PIWIL4: variants seen among roughly 807,000 people sequenced by gnomAD.
The protein encoded by PIWIL4 is piwi like RNA-mediated gene silencing 4.
In PIWIL4, 50 loss-of-function variants were observed where a neutral mutation model predicts 100.9. The observed-to-expected ratio is 0.50, with a 90% CI of 0.39 to 0.63. The LOEUF (loss-of-function observed/expected upper bound fraction) is 0.63, where lower values mean the gene tolerates loss of function less well. PIWIL4 is among the 20% of genes least tolerant of loss of function. The pLI is 0.00. For missense variants in PIWIL4, 887 were observed against 1,043.3 expected, an observed-to-expected ratio of 0.85 and a Z score of 2.06; for synonymous variants, 342 against 367.5, an observed-to-expected ratio of 0.93 and a Z score of 0.79.
chr11:94,580,683 GTCATAATAATTAGTATCTTTATTATGC>G (rs1253945562), intron 4 of PIWIL4, among the ~76,000 whole-genome samples: 3 of 152,146 alleles, frequency 2.0e-5, no homozygotes, highest in Admixed American at 6.5e-5. Context: ...TGAAATAAGT[GTCATAATAATTAGTATCTTTATTATGC>G]TAGCATTTAT....
At chr11:94,611,471 G>C (rs553542773) in intron 15 of PIWIL4, among the ~76,000 whole-genome samples, 32 of 152,046 alleles carry the variant, frequency 2.1e-4, no homozygotes, top group Non-Finnish European at 4.4e-4. Flanking sequence ...CAATTTTGCA[G>C]TTTTCCTCCA....
intron 13 of PIWIL4, among the ~76,000 whole-genome samples, chr11:94,604,565 G>A (rs1009471499): frequency 2.6e-5 from 4 of 152,198 alleles, no homozygotes; most frequent in Non-Finnish European, 5.9e-5. Context: ...GCATGTGTGT[G>A]TAGCTGACTT....
intron 12 of PIWIL4, among the ~76,000 whole-genome samples, chr11:94,602,825 T>C (rs1948661779): frequency 1.3e-5 from 2 of 152,212 alleles, no homozygotes; most frequent in African/African-American, 4.8e-5. Flanking sequence ...TCTCCTCTTA[T>C]CAAATCTGTT....
In PIWIL4 at chr11:94,575,145, G is replaced by A. The variant is rs756534867; in HGVS notation, c.298+15G>A. 1.2e-6 allele frequency: 2 copies of A among 1,609,734 alleles called. No homozygotes were observed. Among genetic ancestry groups the A allele is most frequent in the Admixed American group, 1.7e-5 (1 of 59,072 alleles). ...TTGTAAAACAGGTACCCAGTTTTAT[G>A]TCACTTACTTTTTTAATGTTACCAA... On this transcript the variant is annotated intron_variant, in intron 3 of 19. Coordinates refer to ENST00000299001, the MANE Select transcript of PIWIL4 (RefSeq NM_152431.3).
rs901193197 is a variant in PIWIL4 at position 94,583,040 on chromosome 11, ATATATG to A, written c.514-406_514-401del. Among the ~76,000 whole-genome samples the A allele has an allele frequency of 5.1e-5, 6 of 118,200 alleles. No homozygotes were observed. In the South Asian group the frequency reaches 1.7e-3, roughly 33 times the overall value. 77.5% of individuals were successfully genotyped at this position (118,200 alleles called of 152,430 possible). ...ACACTGTTGTGGTGTGTGTATATAT[ATATATG>A]TGTGTGTGTGTGTGTGTGTGTGTGT... On this transcript the variant is annotated intron_variant, in intron 4 of 19. Coordinates refer to ENST00000299001, the MANE Select transcript of PIWIL4 (RefSeq NM_152431.3).
Position 94,585,433 on chromosome 11 carries a change from AT to A in PIWIL4, c.636-11del, listed in dbSNP as rs1948385413. The A allele has an allele frequency of 1.3e-6, 2 of 1,598,320 alleles. No homozygotes were observed. The highest frequency in any genetic ancestry group is 1.7e-6 in the Non-Finnish European group (2 of 1,172,052). ...TGATATTTACCAAAAATTCAAAAAA[AT>A]ATACTTGCAGGATCCTCAAAAAGTT... On this transcript the variant is annotated splice_polypyrimidine_tract_variant and intron_variant, in intron 5 of 19. Coordinates refer to ENST00000299001, the MANE Select transcript of PIWIL4 (RefSeq NM_152431.3).
At chr11:94,611,771 C>T (rs879780167) in intron 15 of PIWIL4, among the ~76,000 whole-genome samples, 1 of 152,178 alleles carries the variant, frequency 6.6e-6, no homozygotes, top group Admixed American at 6.6e-5. Context: ...CCTGGCCCCC[C>T]TTTGCCTTTC....
chr11:94,568,169 C>G (rs367888905), intron 1 of PIWIL4, among the ~76,000 whole-genome samples: 67 of 152,018 alleles, frequency 4.4e-4, no homozygotes, highest in African/African-American at 1.4e-3. Context: ...AGTTTGTGGT[C>G]CTTATGCCTT....
chr11:94,583,340 C>A, intron 4 of PIWIL4, 108 bp from the exon 5 acceptor site: 1 of 1,209,614 alleles, frequency 8.3e-7, no homozygotes, highest in Non-Finnish European at 1.2e-6. Context: ...CTAACACCTG[C>A]AGTTTTGTTT....
intron 15 of PIWIL4, among the ~76,000 whole-genome samples, chr11:94,609,940 C>T (rs1010324214): frequency 2.0e-5 from 3 of 151,994 alleles, no homozygotes; most frequent in African/African-American, 7.2e-5. Context: ...TACAATAGTA[C>T]ATGATAATTA....
chr11:94,583,044 A>ATGTG (rs58072951), intron 4 of PIWIL4, among the ~76,000 whole-genome samples: 2,903 of 133,822 alleles, frequency 0.022, 31 homozygotes, highest in African/African-American at 0.036. Context: ...ATATATATAT[A>ATGTG]TGTGTGTGTG....
At position 94,597,801 on chromosome 11, in the gene PIWIL4, C is replaced by T. The variant is rs767699359; in HGVS notation, c.1269-3C>T. On this transcript the variant is annotated splice_region_variant and splice_polypyrimidine_tract_variant and intron_variant, in intron 10 of 19. Coordinates refer to ENST00000299001, the MANE Select transcript of PIWIL4 (RefSeq NM_152431.3). ...TAATGATTTAAAACAACTTTATCAA[C>T]AGGAATACCAATGCTCGCTTTGAAC... 45 of 1,602,288 alleles carry T rather than the reference C, an allele frequency of 2.8e-5. No individual in the cohort carries two copies. Among genetic ancestry groups the T allele is most frequent in the Non-Finnish European group, 3.7e-5 (43 of 1,170,302 alleles).
intron 9 of PIWIL4, among the ~76,000 whole-genome samples, chr11:94,594,452 C>A (rs1948528222): frequency 2.1e-5 from 3 of 141,142 alleles, no homozygotes; most frequent in African/African-American, 8.6e-5. Flanking sequence ...AGTGACAGAG[C>A]AAGACTCTGT....
intron 11 of PIWIL4, among the ~76,000 whole-genome samples, chr11:94,598,193 T>C (rs973328060): frequency 1.6e-4 from 25 of 152,326 alleles, no homozygotes; most frequent in African/African-American, 5.1e-4. Flanking sequence ...GGGTGGTGCA[T>C]TGCTCTTAAA....
intron 8 of PIWIL4, among the ~76,000 whole-genome samples, chr11:94,590,840 T>G (rs1371820558): frequency 6.6e-6 from 1 of 152,126 alleles, no homozygotes; most frequent in African/African-American, 2.4e-5. Flanking sequence ...ATGCCCTAGC[T>G]CTCTCCTCAC....
intron 14 of PIWIL4, 74 bp downstream of exon 14, chr11:94,607,713 C>T: frequency 1.4e-6 from 2 of 1,391,672 alleles, no homozygotes; most frequent in Non-Finnish European, 9.8e-7. Context: ...GAGATGTTAT[C>T]ACATGATCCC....
At chr11:94,607,731 T>C (rs1948739325) in intron 14 of PIWIL4, 92 bp downstream of exon 14, 1 of 1,317,100 alleles carries the variant, frequency 7.6e-7, no homozygotes, top group African/African-American at 1.5e-5. Flanking sequence ...CCCAGAATTA[T>C]TTGGTTTGCT....
intron 15 of PIWIL4, among the ~76,000 whole-genome samples, chr11:94,612,314 GGTT>G (rs1309186053): frequency 1.1e-5 from 1 of 90,108 alleles, no homozygotes; most frequent in Admixed American, 1.0e-4. Flanking sequence ...ATTTTTGTGA[GGTT>G]TTTTTTTTTT....
chr11:94,606,372 A>G (rs1948716786), intron 13 of PIWIL4, among the ~76,000 whole-genome samples: 1 of 152,206 alleles, frequency 6.6e-6, no homozygotes, highest in African/African-American at 2.4e-5. Flanking sequence ...AGCTTTTGAC[A>G]TTGTGACTTT....
Sources: allele counts gnomAD v4.1 joint callset (sites outside exome capture counted in the v4.1 genomes callset), GRCh38; gene constraint gnomAD v4.1.1; transcripts MANE v1.5; gene names NCBI Gene and HGNC (gene_info 2026-07-23, HGNC 2026-07-21).